Variants in DCP2 observed in about 807,000 individuals in gnomAD.
The protein encoded by DCP2 is m7GpppN-mRNA hydrolase.
In DCP2, 30 loss-of-function variants were observed where a neutral mutation model predicts 56.1. The observed-to-expected ratio is 0.53, with a 90% CI of 0.40 to 0.73. The LOEUF is 0.73. Ranked by LOEUF, DCP2 falls within the 30% of genes least tolerant of loss-of-function variation. The probability of loss-of-function intolerance (pLI) is 0.00; values close to 1 mark genes in which losing one functional copy is unlikely to be tolerated. For synonymous variants in DCP2, 197 were observed against 163.3 expected, an observed-to-expected ratio of 1.21 and a Z score of -1.57; for missense variants, 533 against 502.7, an observed-to-expected ratio of 1.06 and a Z score of -0.58.
Position 113,008,022 on chromosome 5 carries a change from A to C in DCP2, c.1027A>C (p.Lys343Gln), listed in dbSNP as rs973269982. The change falls in exon 9 of 11, where the codon AAG (lysine) becomes CAG (glutamine). Residue 343 changes from lysine (K) to glutamine (Q), a missense_variant. By Grantham distance (53) the Lys-to-Gln change is moderately conservative. Coordinates refer to ENST00000389063, the MANE Select transcript of DCP2 (RefSeq NM_152624.6). ...AAGAACAAATGGGCTTCAGCCAGCA[A>C]AGCAGCAGAATTCTTTGATGGTAAG... ...KKRTNGLQPA[K>Q]QQNSLMKCEK... The C allele has an allele frequency of 5.6e-6, 9 of 1,613,892 alleles. No homozygotes were observed. Among genetic ancestry groups the C allele is most frequent in the Admixed American group, 3.3e-5 (2 of 59,990 alleles).
At position 113,001,622 on chromosome 5, in the gene DCP2, G is replaced by A. The variant is rs1490763120; in HGVS notation, c.754G>A (p.Gly252Arg). The A allele has an allele frequency of 6.2e-7, 1 of 1,614,152 alleles. No homozygotes were observed. The highest frequency in any genetic ancestry group is 8.5e-7 in the Non-Finnish European group (1 of 1,180,016). The change falls in exon 7 of 11, where the codon GGA becomes AGA. Residue 252 changes from glycine to arginine, a missense_variant. Around this residue, in one of 3 missense-constraint regions of DCP2, gnomAD observed 392 missense variants for 346.6 expected, o/e 1.13. Coordinates refer to ENST00000389063, the MANE Select transcript of DCP2 (RefSeq NM_152624.6). Reference protein sequence around the residue: ...RFGDSSDSDNGFSSTGSTPAK... With the variant: ...RFGDSSDSDNRFSSTGSTPAK... ...TGGCGATTCCTCAGACAGTGACAAT[G>A]GATTTTCCTCAACTGGTAGCACGCC...
chr5:113,001,541 A>G, intron 6 of DCP2, 26 bp from the exon 7 acceptor site: 2 of 1,611,938 alleles, frequency 1.2e-6, no homozygotes, highest in Non-Finnish European at 1.7e-6. Flanking sequence ...CCATATTTTG[A>G]AAGTGAATTC....
intron 10 of DCP2, among the ~76,000 whole-genome samples, chr5:113,011,058 A>G (rs1006197594): frequency 2.0e-5 from 3 of 152,202 alleles, no homozygotes; most frequent in Non-Finnish European, 2.9e-5. Flanking sequence ...CTATGCGTGA[A>G]TATTTTAAAT....
intron 10 of DCP2, 142 bp from the exon 11 acceptor site, chr5:113,013,179 T>A (rs1749749727): frequency 1.4e-6 from 1 of 704,226 alleles, no homozygotes; most frequent in African/African-American, 1.8e-5. Flanking sequence ...AAATACATAT[T>A]TTGGTGGTTC....
At position 113,001,662 on chromosome 5, in the gene DCP2, T is replaced by C; in HGVS notation, c.794T>C (p.Val265Ala). 1.2e-6 allele frequency: 2 copies of C among 1,613,978 alleles called. No homozygotes were observed. The highest frequency in any genetic ancestry group is 1.7e-4 in the Middle Eastern group (1 of 6,060). The change falls in exon 7 of 11, where the codon GTG becomes GCG. Residue 265 changes from valine (V) to alanine (A), a missense_variant. Coordinates refer to ENST00000389063, the MANE Select transcript of DCP2 (RefSeq NM_152624.6). ...GGTAGCACGCCGGCTAAACCCACTGTGGAAAAATTGAGGTAAAGAAATACA... is the reference window on the plus strand; with the variant it reads ...GGTAGCACGCCGGCTAAACCCACTGCGGAAAAATTGAGGTAAAGAAATACA... ...STGSTPAKPT[V>A]EKLSRTKFRH...
At chr5:113,006,174 G>A (rs1298856349) in intron 8 of DCP2, among the ~76,000 whole-genome samples, 1 of 151,376 alleles carries the variant, frequency 6.6e-6, no homozygotes, top group Non-Finnish European at 1.5e-5. Flanking sequence ...TAAACCTCGA[G>A]GACATTATGC....
At position 113,021,912 on chromosome 5, in the gene DCP2, C is replaced by CCAA. The variant is rs1750163185; in HGVS notation, c.*8430_*8432dup. Among the ~76,000 whole-genome samples the CCAA allele has an allele frequency of 6.6e-6, 1 of 152,152 alleles. No homozygotes were observed. The highest frequency in any genetic ancestry group is 1.5e-5 in the Non-Finnish European group (1 of 68,018). ...CCTATTTATGCCAAATTTTAAAAAG[C>CCAA]CAACTAAAAATGGGCTATAAATGAG... On this transcript the variant is annotated 3_prime_UTR_variant, in exon 11 of 11. Coordinates refer to ENST00000389063, the MANE Select transcript of DCP2 (RefSeq NM_152624.6).
intron 4 of DCP2, 85 bp from the exon 5 acceptor site, chr5:113,000,999 T>G: frequency 7.7e-7 from 1 of 1,306,198 alleles, no homozygotes; most frequent in Non-Finnish European, 1.0e-6. Context: ...CCCCTTTTTC[T>G]GAGTTTTTGT....
At chr5:112,982,972 G>A (rs1232183171) in intron 1 of DCP2, among the ~76,000 whole-genome samples, 7 of 152,102 alleles carry the variant, frequency 4.6e-5, no homozygotes. Flanking sequence ...TCTTACACTT[G>A]AGGGTTTTTC....
intron 2 of DCP2, among the ~76,000 whole-genome samples, chr5:112,990,935 G>T (rs539678004): frequency 1.3e-5 from 2 of 151,908 alleles, no homozygotes; most frequent in African/African-American, 2.4e-5. Context: ...ATATAATGCC[G>T]ACTTCTTTGA....
At position 113,017,437 on chromosome 5, in the gene DCP2, C is replaced by G. The variant is rs1024759789; in HGVS notation, c.*3953C>G. On this transcript the variant is annotated 3_prime_UTR_variant, in exon 11 of 11. Coordinates refer to ENST00000389063, the MANE Select transcript of DCP2 (RefSeq NM_152624.6). Reference sequence around the variant, plus strand: ...TAGAGTTTCTGATTTTGTATTATGTCCTAAGACTTGAAAGTGCATTTGTCT... The same window carrying G: ...TAGAGTTTCTGATTTTGTATTATGTGCTAAGACTTGAAAGTGCATTTGTCT... 1 of 152,130 alleles carries G rather than the reference C, an allele frequency of 6.6e-6. No homozygotes were observed. Among genetic ancestry groups the G allele is most frequent in the Non-Finnish European group, 1.5e-5 (1 of 68,014 alleles). The allele number at this position is 152,130 out of a possible 1,614,324, so 9.4% of individuals were successfully genotyped here.
Position 113,018,443 on chromosome 5 carries a change from A to ATT in DCP2, c.*4959_*4960insTT, listed in dbSNP as rs1273288663. On this transcript the variant is annotated 3_prime_UTR_variant, in exon 11 of 11. Transcript: ENST00000389063. ...TAGCAGCTTGAAGGCACAACGTAAA[A>ATT]GGAATGAGCTTTCACAAGGTGCTTA... is the stretch of plus-strand genomic sequence containing the variant. 1 of 152,254 alleles carries ATT rather than the reference A, an allele frequency of 6.6e-6. No individual in the cohort carries two copies. Among genetic ancestry groups the ATT allele is most frequent in the Non-Finnish European group, 1.5e-5 (1 of 68,036 alleles). The allele number at this position is 152,254 out of a possible 1,614,324, so 9.4% of individuals were successfully genotyped here.
chr5:113,008,817 A>G (rs1232805267), intron 9 of DCP2, among the ~76,000 whole-genome samples: 1 of 151,984 alleles, frequency 6.6e-6, no homozygotes, highest in African/African-American at 2.4e-5. Flanking sequence ...ATAAAATTCA[A>G]CAGCTGTTTT....
Position 113,001,386 on chromosome 5 carries a change from G to A in DCP2, c.615G>A (p.Leu205=), listed in dbSNP as rs934983913. The change falls in exon 6 of 11, where the codon TTG becomes TTA. Residue 205 remains leucine (L), a synonymous_variant. Coordinates refer to ENST00000389063, the MANE Select transcript of DCP2 (RefSeq NM_152624.6). ...TTGAGTGGTTCTCTATTGAGAAATTGCCTTGTCATAGAAATGATATGACCC... is the reference window on the plus strand; with the variant it reads ...TTGAGTGGTTCTCTATTGAGAAATTACCTTGTCATAGAAATGATATGACCC... ...RNIEWFSIEK[L]PCHRNDMTPK... is the part of the protein sequence containing the mutation. 9 of 1,613,420 alleles carry A rather than the reference G, an allele frequency of 5.6e-6. No individual in the cohort carries two copies. Among genetic ancestry groups the A allele is most frequent in the Non-Finnish European group, 7.6e-6 (9 of 1,179,922 alleles).
chr5:112,988,819 C>T (rs941543936), intron 2 of DCP2, among the ~76,000 whole-genome samples: 1 of 152,186 alleles, frequency 6.6e-6, no homozygotes, highest in Non-Finnish European at 1.5e-5. Context: ...TAACCAAGTC[C>T]TCTTTTGCTT....
chr5:113,014,937 C>A lies in DCP2; in HGVS notation c.*1453C>A, dbSNP rs138729624. The A allele has an allele frequency of 1.3e-5, 2 of 152,612 alleles. No individual in the cohort carries two copies. Among genetic ancestry groups the A allele is most frequent in the African/African-American group, 4.8e-5 (2 of 41,442 alleles). 9.5% of individuals were successfully genotyped at this position (152,612 alleles called of 1,614,324 possible). The stretch of plus-strand genomic sequence containing the variant: ...TAAAAGAAGGGCTATTTAAGGAATT[C>A]ACTTGGTAGTACTTTGCTTTAGCTT... On this transcript the variant is annotated 3_prime_UTR_variant, in exon 11 of 11. Transcript: ENST00000389063.
At chr5:112,985,253 T>C (rs1359373904) in intron 1 of DCP2, among the ~76,000 whole-genome samples, 1 of 152,168 alleles carries the variant, frequency 6.6e-6, no homozygotes, top group Non-Finnish European at 1.5e-5. Flanking sequence ...AATATAAATG[T>C]ATATTTATAT....
chr5:112,992,031 A>G (rs1561690991), intron 2 of DCP2, 90 bp from the exon 3 acceptor site: 1 of 1,529,384 alleles, frequency 6.5e-7, no homozygotes, highest in Non-Finnish European at 8.8e-7. Context: ...TTCACATGAA[A>G]TACACTATTG....
chr5:112,993,085 A>G (rs1005473047), intron 4 of DCP2, among the ~76,000 whole-genome samples: 1 of 151,622 alleles, frequency 6.6e-6, no homozygotes, highest in Non-Finnish European at 1.5e-5. Context: ...GGCTGTTATA[A>G]TCCTTGTTTT....
Sources: gnomAD v4.1 joint callset for allele counts (sites outside exome capture counted in the v4.1 genomes callset) on GRCh38, gnomAD v4.1.1 for gene constraint, gnomAD v4.1.1 regional missense constraint, MANE v1.5 for transcripts, NCBI Gene and HGNC (gene_info 2026-07-23, HGNC 2026-07-21) for gene names.